The following PHF8 variants were observed in gnomAD, a reference collection of about 807,000 sequenced individuals.
PHF8 encodes the protein PHD finger protein 8, also known as histone lysine demethylase PHF8.
PHF8 carries 9 observed loss-of-function variants against 74.4 expected under a neutral mutation model. The ratio of observed to expected loss-of-function variants is 0.12; its 90% CI spans 0.07 to 0.21. The LOEUF (loss-of-function observed/expected upper bound fraction) is 0.21, where lower values mean the gene tolerates loss of function less well. Among genes scored for constraint, PHF8 ranks in the 10% least tolerant of loss-of-function variants. The pLI, the probability that PHF8 is intolerant of heterozygous loss-of-function variation, is 1.00. For synonymous variants in PHF8, 311 were observed against 316.6 expected, an observed-to-expected ratio of 0.98 and a Z score of 0.19; for missense variants, 478 against 816.6, an observed-to-expected ratio of 0.59 and a Z score of 5.05.
intron 16 of PHF8, among the ~76,000 whole-genome samples, 156 bp from the exon 17 acceptor site, chrX:53,986,105 C>G (rs1342263669): frequency 1.8e-5 from 2 of 112,256 alleles, no homozygotes; most frequent in African/African-American, 6.5e-5. Context: ...TCTTAATTTC[C>G]AAGGCATCTT....
intron 19 of PHF8, among the ~76,000 whole-genome samples, chrX:53,954,499 C>CAAAAAAAAAAAAAAAAAAA (rs1180184175): frequency 7.6e-5 from 1 of 13,138 alleles, no homozygotes; most frequent in Non-Finnish European, 1.4e-4. Flanking sequence ...GACTCTGTCT[C>CAAAAAAAAAAAAAAAAAAA]AAAAAAAAAA....
chrX:54,036,592 A>C (rs1374433636), intron 2 of PHF8, among the ~76,000 whole-genome samples: 2 of 105,704 alleles, frequency 1.9e-5, no homozygotes, highest in African/African-American at 3.5e-5. Flanking sequence ...AAAAAAAAAA[A>C]AAAAAAAACT....
upstream of PHF8, chrX:54,045,257 T>G (rs781819827): frequency 5.5e-6 from 1 of 182,793 alleles, no homozygotes; most frequent in South Asian, 2.5e-4. Context: ...AAAGGCTGAG[T>G]TAGTGGAGCT....
intron 12 of PHF8, chrX:53,994,981 C>T (rs1020555113): frequency 1.6e-5 from 4 of 247,745 alleles, no homozygotes; most frequent in Non-Finnish European, 3.2e-5. Context: ...AGGCACTGTG[C>T]GAGGGGCTCT....
intron 14 of PHF8, among the ~76,000 whole-genome samples, chrX:53,991,133 C>T (rs1557101237): frequency 8.9e-6 from 1 of 112,113 alleles, no homozygotes; most frequent in Admixed American, 9.5e-5. Context: ...GAATATGTGT[C>T]ACAGCTGGGA....
intron 2 of PHF8, among the ~76,000 whole-genome samples, chrX:54,026,353 C>CA (rs1192940345): frequency 0.2 from 9,493 of 48,395 alleles, 823 homozygotes; most frequent in Middle Eastern, 0.32. Context: ...GATTCCATCT[C>CA]AAAAAAAAAA....
chrX:53,988,026 T>C (rs1027791657), intron 14 of PHF8, 82 bp from the exon 15 acceptor site: 5 of 740,454 alleles, frequency 6.8e-6, no homozygotes, highest in Admixed American at 4.8e-5. Flanking sequence ...TACATTGACC[T>C]ACAGATTCAA....
chrX:53,950,783 A>C (rs148817235), intron 19 of PHF8, among the ~76,000 whole-genome samples: 5 of 112,641 alleles, frequency 4.4e-5, no homozygotes, highest in African/African-American at 1.6e-4. Context: ...AACTACAACA[A>C]AGAGTGTTCT....
In PHF8 at chrX:53,949,811, CAAAA is replaced by C. The variant is rs11353359; in HGVS notation, c.2540-5572_2540-5569del. Reference sequence around the variant, plus strand: ...TGGGTGACAGAGCAAGACTCCGTCTCAAAAAAAAAAAAAAAAAAAAAAAAGAAAT... The same window carrying C: ...TGGGTGACAGAGCAAGACTCCGTCTCAAAAAAAAAAAAAAAAAAAAGAAAT... On this transcript the variant is annotated intron_variant, in intron 19 of 21. Coordinates refer to ENST00000338154, the MANE Select transcript of PHF8 (RefSeq NM_015107.3). Among the ~76,000 whole-genome samples the C allele has an allele frequency of 5.8e-4, 14 of 24,340 alleles. No individual in the cohort carries two copies. In the East Asian group the frequency reaches 0.01, roughly 18 times the overall value. 21.1% of individuals were successfully genotyped at this position (24,340 alleles called of 115,157 possible). A position where few individuals can be genotyped will look rare whatever the true frequency, so the allele number is the denominator to read the frequency against.
In PHF8 at chrX:53,938,975, G is replaced by C; in HGVS notation, c.*183C>G. 2 of 1,011,516 alleles carry C rather than the reference G, an allele frequency of 2.0e-6. No individual in the cohort carries two copies. Among genetic ancestry groups the C allele is most frequent in the South Asian group, 7.7e-5 (2 of 25,843 alleles). The allele number at this position is 1,011,516 out of a possible 1,213,427, so 83.4% of individuals were successfully genotyped here. ...GAGAAGGCAGGCAGGATGCTCTAGT[G>C]AAAGTGGGGAAGGGAACTAGAAGGA... On this transcript the variant is annotated 3_prime_UTR_variant, in exon 22 of 22. Transcript: ENST00000338154.
intron 18 of PHF8, among the ~76,000 whole-genome samples, chrX:53,965,081 T>A (rs1483119631): frequency 1.8e-5 from 2 of 110,829 alleles, no homozygotes; most frequent in South Asian, 7.5e-4. Flanking sequence ...CTAACGGAGC[T>A]TAAAGGTAAA....
At chrX:53,979,171 A>AGGAGTTTGAGACCAGCCT (rs2065437226) in intron 18 of PHF8, among the ~76,000 whole-genome samples, 1 of 112,059 alleles carries the variant, frequency 8.9e-6, no homozygotes, top group East Asian at 2.8e-4. Flanking sequence ...ACCTGAGGTC[A>AGGAGTTTGAGACCAGCCT]GGAGTTTGAG....
At chrX:54,009,196 A>G (rs1268537830) in intron 8 of PHF8, among the ~76,000 whole-genome samples, 2 of 112,046 alleles carry the variant, frequency 1.8e-5, no homozygotes, top group Non-Finnish European at 3.8e-5. Context: ...GATAAATAAC[A>G]TAATGAACAT....
At chrX:53,947,895 C>A (rs1172052869) in intron 19 of PHF8, among the ~76,000 whole-genome samples, 5 of 111,790 alleles carry the variant, frequency 4.5e-5, no homozygotes, top group African/African-American at 1.6e-4. Context: ...TCTTTTGTGT[C>A]CTCCCAGGCC....
intron 2 of PHF8, 68 bp from the exon 3 acceptor site, chrX:54,022,911 T>TTCTACTGGACAGCA: frequency 1.6e-6 from 1 of 621,946 alleles, no homozygotes; most frequent in Non-Finnish European, 2.7e-6. Context: ...AACAGTGCTG[T>TTCTACTGGACAGCA]CCAGTAGAAC....
chrX:54,028,759 A>T (rs781921021), intron 2 of PHF8, among the ~76,000 whole-genome samples: 28 of 112,254 alleles, frequency 2.5e-4, no homozygotes, highest in Admixed American at 9.4e-5. Flanking sequence ...TCAAGCCAGA[A>T]ACCTGGCAGC....
intron 18 of PHF8, among the ~76,000 whole-genome samples, chrX:53,976,979 A>T (rs909427201): frequency 3.6e-5 from 4 of 112,325 alleles, no homozygotes; most frequent in Admixed American, 9.5e-5. Flanking sequence ...AATAAATAAA[A>T]AATAAATAAA....
intron 20 of PHF8, chrX:53,942,552 C>A: frequency 7.6e-6 from 2 of 263,481 alleles, no homozygotes; most frequent in Non-Finnish European, 1.0e-5. Context: ...CACCCCAATA[C>A]TGACTAAACA....
At chrX:53,992,684 C>T in intron 14 of PHF8, 52 bp downstream of exon 14, 1 of 717,088 alleles carries the variant, frequency 1.4e-6, no homozygotes, top group African/African-American at 2.1e-5. Context: ...GTCTCAGTGG[C>T]ATATTACCAC....
Sources: allele counts gnomAD v4.1 joint callset (sites outside exome capture counted in the v4.1 genomes callset), GRCh38; gene constraint gnomAD v4.1.1; transcripts MANE v1.5; gene names NCBI Gene and HGNC (gene_info 2026-07-23, HGNC 2026-07-21).